Variants in FRY observed in about 807,000 individuals in gnomAD.
FRY encodes protein furry homolog.
A neutral mutation model predicts 348.4 loss-of-function variants in FRY; 128 were observed. The ratio of observed to expected loss-of-function variants is 0.37; its 90% CI spans 0.32 to 0.43. FRY has a LOEUF of 0.43. Among genes scored for constraint, FRY ranks in the 20% least tolerant of loss-of-function variants. The pLI, the probability that FRY is intolerant of heterozygous loss-of-function variation, is 1.00. For synonymous variants in FRY, 1,370 were observed against 1,374.7 expected (o/e 1.00, Z 0.08); for missense variants, 2,736 against 3,695.2 (o/e 0.74, Z 6.73).
rs553338851 is a variant in FRY, at chr13:32,212,961, CT to C, written c.4682+582del. 5.8e-3 allele frequency among the ~76,000 whole-genome samples: 889 copies of C among 152,158 alleles called. 3 individuals are homozygous for C. The highest frequency in any genetic ancestry group is 1.0e-2 in the Non-Finnish European group (678 of 68,020). ...CATCAGTAGTCAAATCAGAGTCACTCTTTCCTGCAGTTGATTGTGAAGAGCA... is the reference window on the plus strand; with the variant it reads ...CATCAGTAGTCAAATCAGAGTCACTCTTCCTGCAGTTGATTGTGAAGAGCA... On this transcript the variant is annotated intron_variant, in intron 35 of 60. Coordinates refer to ENST00000542859, the MANE Select transcript of FRY (RefSeq NM_023037.3).
chr13:32,109,569 G>A (rs1170685053), intron 3 of FRY, among the ~76,000 whole-genome samples: 1 of 152,156 alleles, frequency 6.6e-6, no homozygotes, highest in Non-Finnish European at 1.5e-5. Flanking sequence ...CACAGACAAA[G>A]GAGAAGTTGA....
At chr13:32,138,282 C>T (rs1879847244) in intron 11 of FRY, among the ~76,000 whole-genome samples, 1 of 151,762 alleles carries the variant, frequency 6.6e-6, no homozygotes, top group Non-Finnish European at 1.5e-5. Context: ...AGGAAATAGT[C>T]ACTTTATTGA....
intron 2 of FRY, among the ~76,000 whole-genome samples, chr13:32,080,688 G>C (rs1450361991): frequency 6.6e-6 from 1 of 152,162 alleles, no homozygotes; most frequent in East Asian, 1.9e-4. Context: ...CCAACCCCTT[G>C]AGAGACACTG....
intron 11 of FRY, among the ~76,000 whole-genome samples, chr13:32,146,177 C>T (rs1880433038): frequency 1.5e-5 from 1 of 65,874 alleles, no homozygotes; most frequent in African/African-American, 8.6e-5. Context: ...CTCTCCCTCC[C>T]ACCATTTTTT....
At chr13:32,065,324 G>C (rs944679081) in intron 1 of FRY, among the ~76,000 whole-genome samples, 1 of 151,392 alleles carries the variant, frequency 6.6e-6, no homozygotes, top group Non-Finnish European at 1.5e-5. Flanking sequence ...ATTTTTTTTT[G>C]AGACAGAGTT....
At chr13:32,038,545 C>T (rs1872633437) in intron 1 of FRY, 1 of 152,186 alleles carries the variant, frequency 6.6e-6, no homozygotes, top group Admixed American at 6.5e-5. Context: ...TAAGACACAA[C>T]TTAACCTCAT....
intron 3 of FRY, among the ~76,000 whole-genome samples, chr13:32,111,356 C>T (rs112814321): frequency 0.04 from 6,025 of 151,822 alleles, 126 homozygotes; most frequent in African/African-American, 0.056. Context: ...ATTAGCTGGG[C>T]GTGGTGGTGT....
intron 28 of FRY, among the ~76,000 whole-genome samples, chr13:32,188,732 T>C (rs982928947): frequency 4.5e-4 from 69 of 152,276 alleles, no homozygotes; most frequent in Non-Finnish European, 5.1e-4. Flanking sequence ...TTTATTGTGC[T>C]TTGTTTTTAG....
At chr13:32,041,416 C>T (rs1872740691) in intron 1 of FRY, among the ~76,000 whole-genome samples, 1 of 151,310 alleles carries the variant, frequency 6.6e-6, no homozygotes, top group South Asian at 2.1e-4. Context: ...GCCTTAGCCT[C>T]CCGAGTAGCT....
chr13:32,266,634 G>A (rs1887938999), intron 54 of FRY, among the ~76,000 whole-genome samples: 1 of 152,208 alleles, frequency 6.6e-6, no homozygotes, highest in African/African-American at 2.4e-5. Flanking sequence ...ATCTGAAATG[G>A]AGGAATCCCA....
At chr13:32,039,091 G>A (rs1177160026) in intron 1 of FRY, among the ~76,000 whole-genome samples, 1 of 152,188 alleles carries the variant, frequency 6.6e-6, no homozygotes, top group East Asian at 1.9e-4. Context: ...GTGGGAGAAT[G>A]TGTTTGATAG....
At chr13:32,160,618 C>T (rs1881384497) in intron 16 of FRY, among the ~76,000 whole-genome samples, 1 of 152,072 alleles carries the variant, frequency 6.6e-6, no homozygotes, top group Non-Finnish European at 1.5e-5. Context: ...GGGTGCACAA[C>T]TATATACATT....
intron 53 of FRY, 48 bp from the exon 54 acceptor site, chr13:32,265,402 A>G (rs1355608051): frequency 4.4e-6 from 7 of 1,581,312 alleles, no homozygotes; most frequent in Non-Finnish European, 6.1e-6. Context: ...GTTGTCCTGT[A>G]TGTTTTCTTA....
At chr13:32,229,534 G>A (rs1395805808) in intron 40 of FRY, among the ~76,000 whole-genome samples, 1 of 152,210 alleles carries the variant, frequency 6.6e-6, no homozygotes, top group African/African-American at 2.4e-5. Flanking sequence ...TAGGACAGGA[G>A]CTGATGGTGC....
At chr13:32,151,214 G>A (rs61946722) in intron 14 of FRY, among the ~76,000 whole-genome samples, 6,266 of 152,300 alleles carry the variant, frequency 0.041, 140 homozygotes, top group Non-Finnish European at 0.053. Context: ...TCTATAAAAT[G>A]TATTCTTGGT....
intron 20 of FRY, among the ~76,000 whole-genome samples, chr13:32,177,594 G>A (rs1397289293): frequency 2.0e-5 from 3 of 147,854 alleles, no homozygotes; most frequent in South Asian, 4.3e-4. Flanking sequence ...ACTCTGTCTC[G>A]ATAAATAAAT....
chr13:32,278,667 T>C (rs1888664563), intron 58 of FRY, 119 bp downstream of exon 58: 1 of 764,478 alleles, frequency 1.3e-6, no homozygotes, highest in Non-Finnish European at 2.4e-6. Context: ...ACCCCAAACA[T>C]TTACATGAAA....
intron 31 of FRY, among the ~76,000 whole-genome samples, chr13:32,204,598 C>G (rs113631254): frequency 5.3e-5 from 8 of 152,304 alleles, no homozygotes; most frequent in African/African-American, 1.9e-4. Flanking sequence ...TGTTGAATGG[C>G]CCTCACCCCT....
chr13:32,136,851 C>A lies in FRY; in HGVS notation c.1078-20C>A, dbSNP rs769302460. 7.2e-6 allele frequency: 9 copies of A among 1,243,910 alleles called. No homozygotes were observed. In the African/African-American group the frequency reaches 1.0e-4, roughly 14 times the overall value. The allele number at this position is 1,243,910 out of a possible 1,614,324, so 77.1% of individuals were successfully genotyped here. Reference sequence around the variant, plus strand: ...GTTGAAATATAAATGATCCTGTGACCTCCTCTCCTTTCTCCTCAGGCCTTG... The same window carrying A: ...GTTGAAATATAAATGATCCTGTGACATCCTCTCCTTTCTCCTCAGGCCTTG... On this transcript the variant is annotated intron_variant, in intron 10 of 60. Coordinates refer to ENST00000542859, the MANE Select transcript of FRY (RefSeq NM_023037.3).
Sources: allele counts gnomAD v4.1 joint callset (sites outside exome capture counted in the v4.1 genomes callset), GRCh38; gene constraint gnomAD v4.1.1; transcripts MANE v1.5; gene names NCBI Gene and HGNC (gene_info 2026-07-23, HGNC 2026-07-21).